Variants in ATF7IP2 observed in about 807,000 individuals in gnomAD.
ATF7IP2 encodes the protein activating transcription factor 7-interacting protein 2.
ATF7IP2 carries 42 observed loss-of-function variants against 64.2 expected under a neutral mutation model. That is an observed-to-expected ratio of 0.65 (90% CI 0.51 to 0.85). The LOEUF is 0.85. Among genes scored for constraint, ATF7IP2 ranks in the 40% least tolerant of loss-of-function variants. ATF7IP2 has a pLI of 0.00. For missense variants in ATF7IP2, 933 were observed against 784.2 expected (o/e 1.19, Z -2.27); for synonymous variants, 308 against 272.8 (o/e 1.13, Z -1.27).
chr16:10,392,631 C>T (rs1055567929), intron 1 of ATF7IP2, among the ~76,000 whole-genome samples: 1 of 152,042 alleles, frequency 6.6e-6, no homozygotes, highest in Non-Finnish European at 1.5e-5. Context: ...CCTTTGATAT[C>T]AACACCCAAT....
chr16:10,405,596 G>A (rs569977936), intron 1 of ATF7IP2, among the ~76,000 whole-genome samples: 1 of 152,182 alleles, frequency 6.6e-6, no homozygotes, highest in South Asian at 2.1e-4. Flanking sequence ...CTGGACAAAG[G>A]CCCAAGGAAC....
intron 1 of ATF7IP2, among the ~76,000 whole-genome samples, chr16:10,393,766 G>A (rs2047373285): frequency 6.6e-6 from 1 of 152,148 alleles, no homozygotes; most frequent in South Asian, 2.1e-4. Flanking sequence ...GTAATATGAA[G>A]GCCAGGTACA....
rs1206331323 is a variant in ATF7IP2, at chr16:10,428,897, A to G, written c.-130A>G. On this transcript the variant is annotated 5_prime_UTR_variant, in exon 4 of 14. Transcript: ENST00000562102. ...CCTGCTTTTTTTTTTTCTTTGAGACACGGTCTCACTCTGTCACCCTTGCTG... is the reference window on the plus strand; with the variant it reads ...CCTGCTTTTTTTTTTTCTTTGAGACGCGGTCTCACTCTGTCACCCTTGCTG... 1 of 151,162 alleles carries G rather than the reference A, an allele frequency of 6.6e-6. No homozygotes were observed. The highest frequency in any genetic ancestry group is 1.5e-5 in the Non-Finnish European group (1 of 67,878). 9.4% of individuals were successfully genotyped at this position (151,162 alleles called of 1,614,324 possible). A position where few individuals can be genotyped will look rare whatever the true frequency, so the allele number is the denominator to read the frequency against.
intron 1 of ATF7IP2, among the ~76,000 whole-genome samples, chr16:10,390,617 C>G (rs997831210): frequency 1.4e-4 from 21 of 152,072 alleles, no homozygotes; most frequent in African/African-American, 5.1e-4. Context: ...GACCCTGTCT[C>G]TACAAAACAA....
At chr16:10,404,009 CT>C in intron 1 of ATF7IP2, among the ~76,000 whole-genome samples, 1 of 152,088 alleles carries the variant, frequency 6.6e-6, no homozygotes. Context: ...TTTAGGGAAC[CT>C]TTTTCAGGAA....
At chr16:10,411,990 TGTTTCATTTATC>T (rs2047771750) in intron 1 of ATF7IP2, among the ~76,000 whole-genome samples, 3 of 149,116 alleles carry the variant, frequency 2.0e-5, no homozygotes, top group African/African-American at 7.4e-5. Flanking sequence ...CCCAGCTTTT[TGTTTCATTTATC>T]TTTTTTTGTT....
At chr16:10,417,487 G>C (rs901749125) in intron 2 of ATF7IP2, among the ~76,000 whole-genome samples, 2 of 152,032 alleles carry the variant, frequency 1.3e-5, no homozygotes, top group South Asian at 4.1e-4. Flanking sequence ...AGACAAACAT[G>C]ATCATTATTT....
At chr16:10,427,544 CAG>C (rs1233388876) in intron 3 of ATF7IP2, among the ~76,000 whole-genome samples, 6 of 152,220 alleles carry the variant, frequency 3.9e-5, no homozygotes, top group Admixed American at 3.3e-4. Context: ...CCCCTTGAGA[CAG>C]AAATAATCAG....
chr16:10,475,722 G>GAAAAAAAAAAAAAAAAAAAAAAAAAAAA (rs386384218), intron 12 of ATF7IP2, among the ~76,000 whole-genome samples: 2 of 41,644 alleles, frequency 4.8e-5, no homozygotes, highest in Non-Finnish European at 8.0e-5. Context: ...TAAGAAGCCA[G>GAAAAAAAAAAAAAAAAAAAAAAAAAAAA]AAAAAAAAAA....
chr16:10,444,239 T>C (rs1167541563), intron 8 of ATF7IP2, among the ~76,000 whole-genome samples: 1 of 152,170 alleles, frequency 6.6e-6, no homozygotes, highest in Admixed American at 6.5e-5. Flanking sequence ...ACAGGTTAAG[T>C]TTTTTTGAAT....
At chr16:10,440,573 AGTTT>A in intron 8 of ATF7IP2, 111 bp downstream of exon 8, 1 of 648,424 alleles carries the variant, frequency 1.5e-6, no homozygotes, top group Non-Finnish European at 2.6e-6. Context: ...AAGGTAAGTA[AGTTT>A]TTACTTAGAG....
chr16:10,431,259 G>A lies in ATF7IP2; in HGVS notation c.639G>A (p.Arg213=), dbSNP rs2048240586. ...TNSNSESHDK[R]QSDNILCSED... ...CCAATTCAGAATCACATGATAAAAG[G>A]CAAAGTGACAACATTTTATGTTCAG... is the stretch of plus-strand genomic sequence containing the variant. The change falls in exon 5 of 14, where the codon AGG becomes AGA. Residue 213 remains arginine, a synonymous_variant. Transcript: ENST00000562102. 1 of 1,614,108 alleles carries A rather than the reference G, an allele frequency of 6.2e-7. No individual in the cohort carries two copies.
Position 10,428,999 on chromosome 16 carries a change from G to C in ATF7IP2, c.-28G>C, listed in dbSNP as rs2048157291. ...AGTGAACCTTTTGCATCAGCCTCCT[G>C]AATAGCTGAGACCACAGGTATGTGC... On this transcript the variant is annotated 5_prime_UTR_variant, in exon 4 of 14. Transcript: ENST00000562102. The C allele has an allele frequency of 6.6e-6, 1 of 151,934 alleles. No homozygotes were observed. The allele number at this position is 151,934 out of a possible 1,614,324, so 9.4% of individuals were successfully genotyped here.
At chr16:10,414,833 C>A (rs1485868264) in intron 2 of ATF7IP2, among the ~76,000 whole-genome samples, 1 of 152,046 alleles carries the variant, frequency 6.6e-6, no homozygotes, top group African/African-American at 2.4e-5. Context: ...CAGTACTCTT[C>A]CCCTTTTCCT....
chr16:10,433,503 C>G, intron 5 of ATF7IP2, 22 bp from the exon 6 acceptor site: 2 of 1,598,292 alleles, frequency 1.3e-6, no homozygotes, highest in African/African-American at 1.4e-5. Context: ...ATCTTTCTTT[C>G]TAATCTTTTG....
intron 3 of ATF7IP2, among the ~76,000 whole-genome samples, chr16:10,422,525 C>A (rs1478655608): frequency 2.6e-5 from 4 of 152,150 alleles, no homozygotes; most frequent in African/African-American, 4.8e-5. Context: ...TCCCATCAGG[C>A]CCTTCACAAT....
intron 12 of ATF7IP2, among the ~76,000 whole-genome samples, chr16:10,477,844 A>T (rs1356825677): frequency 6.6e-6 from 1 of 151,418 alleles, no homozygotes. Flanking sequence ...TCACAAGCAT[A>T]CTTATACACC....
chr16:10,431,990 A>ATTTTTTTTTTTTTTTT (rs34029007), intron 5 of ATF7IP2, among the ~76,000 whole-genome samples: 1 of 111,608 alleles, frequency 9.0e-6, no homozygotes, highest in Non-Finnish European at 1.7e-5. Context: ...CGCCCGGCTA[A>ATTTTTTTTTTTTTTTT]TTTTTTTTTT....
At chr16:10,476,572 A>G (rs2050017190) in intron 12 of ATF7IP2, among the ~76,000 whole-genome samples, 1 of 152,076 alleles carries the variant, frequency 6.6e-6, no homozygotes, top group Admixed American at 6.6e-5. Context: ...AATGTGTGCC[A>G]TGGTGGTTTG....
Sources: allele counts gnomAD v4.1 joint callset (sites outside exome capture counted in the v4.1 genomes callset), GRCh38; gene constraint gnomAD v4.1.1; transcripts MANE v1.5; gene names NCBI Gene and HGNC (gene_info 2026-07-23, HGNC 2026-07-21).